Variants in GALNT15 observed in about 807,000 individuals in gnomAD.
The protein encoded by GALNT15 is polypeptide N-acetylgalactosaminyltransferase 15, also known as UDP-GalNAc transferase T15.
GALNT15 carries 67 observed loss-of-function variants against 66.8 expected under a neutral mutation model. The observed-to-expected ratio is 1.00, with a 90% CI of 0.82 to 1.23. The LOEUF is 1.23. Among genes scored for constraint, GALNT15 ranks in the 50% most tolerant of loss-of-function variants. The pLI is 0.00. For missense variants in GALNT15, 827 were observed against 804.3 expected, an observed-to-expected ratio of 1.03 and a Z score of -0.34; for synonymous variants, 313 against 311.5, an observed-to-expected ratio of 1.00 and a Z score of -0.05.
Position 16,200,746 on chromosome 3 carries a change from G to T in GALNT15, c.834G>T (p.Val278=), listed in dbSNP as rs758577456. 2 of 1,612,970 alleles carry T rather than the reference G, an allele frequency of 1.2e-6. No individual in the cohort carries two copies. The highest frequency in any genetic ancestry group is 2.2e-5 in the South Asian group (2 of 90,806). Residue 278 remains valine (V), a synonymous_variant, in exon 3 of 10, where the codon GTG becomes GTT. Transcript: ENST00000339732. This position sits in a 1 kb window ranked among gnomAD's most constrained non-coding sequence, Gnocchi z 4.4. ...GGGCCACCAGAGCCACCGGGGATGTGCTCGTCTTCATGGATGCCCACTGCG... is the reference window on the plus strand; with the variant it reads ...GGGCCACCAGAGCCACCGGGGATGTTCTCGTCTTCATGGATGCCCACTGCG... ...MLGATRATGD[V]LVFMDAHCEC... is the part of the protein sequence containing the mutation.
At chr3:16,238,368 C>T in the GALNT15 span, among the ~76,000 whole-genome samples, 1 of 152,038 alleles carries the variant, frequency 6.6e-6, no homozygotes, top group Non-Finnish European at 1.5e-5. This position sits in a 1 kb window ranked among gnomAD's most constrained non-coding sequence, Gnocchi z 4.8. Flanking sequence ...CTTACTAGCA[C>T]ATACTATTAC....
rs1409783815 is a variant in GALNT15, at chr3:16,186,694, G to A, written c.540-9066G>A. On this transcript the variant is annotated intron_variant, in intron 1 of 9. Transcript: ENST00000339732. This position sits in a 1 kb window ranked among gnomAD's most constrained non-coding sequence, Gnocchi z 5.1. ...AAAGAAATCAGTCACAAAAGGCCAC[G>A]TTATGTCATTTCATTCATATGAAGT... 6.6e-6 allele frequency among the ~76,000 whole-genome samples: 1 copy of A among 152,202 alleles called. No individual in the cohort carries two copies. Among genetic ancestry groups the A allele is most frequent in the Non-Finnish European group, 1.5e-5 (1 of 68,034 alleles).
At chr3:16,239,496 C>T in the GALNT15 span, among the ~76,000 whole-genome samples, 1 of 152,162 alleles carries the variant, frequency 6.6e-6, no homozygotes, top group African/African-American at 2.4e-5. The surrounding 1 kb of genome is among the most constrained non-coding windows in gnomAD (Gnocchi z 5.2). Context: ...ATCCATTCAG[C>T]TCCTGCCCTC....
intron 9 of GALNT15, among the ~76,000 whole-genome samples, chr3:16,223,691 CTT>C (rs11293776): frequency 9.9e-4 from 123 of 124,552 alleles, no homozygotes; most frequent in Admixed American, 1.6e-3. Flanking sequence ...TCAAAGAAGT[CTT>C]TTTTTTTTTT....
chr3:16,185,427 CAG>C (rs1334568212), intron 1 of GALNT15, among the ~76,000 whole-genome samples: 5 of 152,204 alleles, frequency 3.3e-5, no homozygotes, highest in African/African-American at 1.2e-4. Flanking sequence ...TAACAAGTGA[CAG>C]GGGGACAACA....
At chr3:16,216,657 T>C (rs2063882014) in intron 6 of GALNT15, among the ~76,000 whole-genome samples, 1 of 152,218 alleles carries the variant, frequency 6.6e-6, no homozygotes, top group South Asian at 2.1e-4. Context: ...TGTCCCTTTT[T>C]CCCTGATTCT....
chr3:16,210,021 C>T (rs112938728), intron 4 of GALNT15, among the ~76,000 whole-genome samples: 2,145 of 152,250 alleles, frequency 0.014, 46 homozygotes, highest in African/African-American at 0.048. Context: ...CGATGTATGT[C>T]CCTCTTTAAA....
Position 16,229,126 on chromosome 3 carries a change from G to A in GALNT15, c.*1626G>A. 1 of 985,406 alleles carries A rather than the reference G, an allele frequency of 1.0e-6. No individual in the cohort carries two copies. Among genetic ancestry groups the A allele is most frequent in the Non-Finnish European group, 1.2e-6 (1 of 829,920 alleles). The allele number at this position is 985,406 out of a possible 1,614,324, so 61.0% of individuals were successfully genotyped here. A position where few individuals can be genotyped will look rare whatever the true frequency, so the allele number is the denominator to read the frequency against. On this transcript the variant is annotated 3_prime_UTR_variant, in exon 10 of 10. Coordinates refer to ENST00000339732, the MANE Select transcript of GALNT15 (RefSeq NM_054110.5). ...TGCTAATCTCCTTTGGGCTGTCTCAGAACACAGTATCCTTCAAATAAGAAA... is the reference window on the plus strand; with the variant it reads ...TGCTAATCTCCTTTGGGCTGTCTCAAAACACAGTATCCTTCAAATAAGAAA...
intron 6 of GALNT15, among the ~76,000 whole-genome samples, chr3:16,218,754 C>T (rs6442587): frequency 0.16 from 23,598 of 151,270 alleles, 2,004 homozygotes; most frequent in Admixed American, 0.23. Context: ...CACCATTTTG[C>T]CAGCTTCTGC....
intron 1 of GALNT15, among the ~76,000 whole-genome samples, chr3:16,179,680 CATT>C (rs1278724884): frequency 1.3e-5 from 2 of 152,188 alleles, no homozygotes; most frequent in African/African-American, 4.8e-5. Context: ...AGCACTGTAT[CATT>C]AGGGGAAATG....
rs879640960 is a variant in GALNT15, at chr3:16,176,352, C to T, written c.539+662C>T. 6.6e-6 allele frequency among the ~76,000 whole-genome samples: 1 copy of T among 152,174 alleles called. No individual in the cohort carries two copies. Among genetic ancestry groups the T allele is most frequent in the Non-Finnish European group, 1.5e-5 (1 of 68,036 alleles). Reference sequence around the variant, plus strand: ...CAAGGTGAAGTTGCTTTCCCAGTCACGCTGCTAGTAGGTAACAAAGTCAGG... The same window carrying T: ...CAAGGTGAAGTTGCTTTCCCAGTCATGCTGCTAGTAGGTAACAAAGTCAGG... On this transcript the variant is annotated intron_variant, in intron 1 of 9. Transcript: ENST00000339732. The surrounding 1 kb of genome is among the most constrained non-coding windows in gnomAD (Gnocchi z 5.6).
rs1401542590 is a variant in GALNT15, at chr3:16,189,285, C to T, written c.540-6475C>T. On this transcript the variant is annotated intron_variant, in intron 1 of 9. Coordinates refer to ENST00000339732, the MANE Select transcript of GALNT15 (RefSeq NM_054110.5). The surrounding 1 kb of genome is among the most constrained non-coding windows in gnomAD (Gnocchi z 5.1). Reference sequence around the variant, plus strand: ...CCTGTAATCCATGAGGTGAACAGCACCACCATGTTGCATAACTCCAAGAGA... The same window carrying T: ...CCTGTAATCCATGAGGTGAACAGCATCACCATGTTGCATAACTCCAAGAGA... Among the ~76,000 whole-genome samples the T allele has an allele frequency of 6.6e-6, 1 of 152,202 alleles. No individual in the cohort carries two copies. Among genetic ancestry groups the T allele is most frequent in the East Asian group, 1.9e-4 (1 of 5,190 alleles).
At position 16,184,933 on chromosome 3, in the gene GALNT15, G is replaced by A. The variant is rs746037278; in HGVS notation, c.539+9243G>A. Among the ~76,000 whole-genome samples, 25 of 152,298 alleles carry A rather than the reference G, an allele frequency of 1.6e-4. No individual in the cohort carries two copies. Among genetic ancestry groups the A allele is most frequent in the South Asian group, 1.0e-3 (5 of 4,832 alleles). On this transcript the variant is annotated intron_variant, in intron 1 of 9. Coordinates refer to ENST00000339732, the MANE Select transcript of GALNT15 (RefSeq NM_054110.5). The surrounding 1 kb of genome is among the most constrained non-coding windows in gnomAD (Gnocchi z 5.0). ...AGCACAGCTCACTGGGGTGGGGTAG[G>A]GGTTAATTTTCCAGCTCTTCAGGGA...
chr3:16,222,891 G>A, intron 9 of GALNT15, 133 bp downstream of exon 9: 1 of 1,049,352 alleles, frequency 9.5e-7, no homozygotes, highest in Non-Finnish European at 1.4e-6. Context: ...CTTAGTGGCT[G>A]GGCAGTAAGG....
At chr3:16,196,280 G>A (rs997558167) in intron 2 of GALNT15, among the ~76,000 whole-genome samples, 7 of 152,132 alleles carry the variant, frequency 4.6e-5, no homozygotes, top group Admixed American at 2.0e-4. Context: ...GGGCGGCCCT[G>A]TTGTGAGTGC....
At chr3:16,235,664 T>C (rs896954104), downstream of GALNT15, among the ~76,000 whole-genome samples, 1 of 152,208 alleles carries the variant, frequency 6.6e-6, no homozygotes, top group African/African-American at 2.4e-5. Context: ...TTATTTGCCT[T>C]ATTTCCATCA....
chr3:16,233,171 C>T (rs1303675131), downstream of GALNT15, among the ~76,000 whole-genome samples: 1 of 133,052 alleles, frequency 7.5e-6, no homozygotes, highest in Non-Finnish European at 1.5e-5. Flanking sequence ...TCTTGATTCA[C>T]TGCAAACTCC....
rs1205060358 is a variant in GALNT15, at chr3:16,182,027, G to A, written c.539+6337G>A. On this transcript the variant is annotated intron_variant, in intron 1 of 9. Transcript: ENST00000339732. The surrounding 1 kb of genome is among the most constrained non-coding windows in gnomAD (Gnocchi z 6.1). ...GCATTCATGGTAACAAGTGTGGTAG[G>A]GTCTTACCCTGCACTTCAGGACAAA... Among the ~76,000 whole-genome samples, 1 of 152,136 alleles carries A rather than the reference G, an allele frequency of 6.6e-6. No homozygotes were observed. Among genetic ancestry groups the A allele is most frequent in the Non-Finnish European group, 1.5e-5 (1 of 68,026 alleles).
rs1354649162 is a variant in GALNT15 at position 16,189,423 on chromosome 3, T to C, written c.540-6337T>C. ...ATAATGCATGAGAATATCCTACAAATATCAGTGATTGTTATTCCCAGAATA... is the reference window on the plus strand; with the variant it reads ...ATAATGCATGAGAATATCCTACAAACATCAGTGATTGTTATTCCCAGAATA... On this transcript the variant is annotated intron_variant, in intron 1 of 9. Coordinates refer to ENST00000339732, the MANE Select transcript of GALNT15 (RefSeq NM_054110.5). This position sits in a 1 kb window ranked among gnomAD's most constrained non-coding sequence, Gnocchi z 5.1. 6.6e-6 allele frequency among the ~76,000 whole-genome samples: 1 copy of C among 152,166 alleles called. No homozygotes were observed. Among genetic ancestry groups the C allele is most frequent in the Non-Finnish European group, 1.5e-5 (1 of 68,014 alleles).
Sources: gnomAD v4.1 joint callset for allele counts (sites outside exome capture counted in the v4.1 genomes callset) on GRCh38, gnomAD v4.1.1 for gene constraint, Gnocchi (gnomAD v3.1) non-coding constraint, MANE v1.5 for transcripts, NCBI Gene and HGNC (gene_info 2026-07-23, HGNC 2026-07-21) for gene names.